GUCY2C: variants seen among roughly 807,000 people sequenced by gnomAD.
GUCY2C encodes the protein guanylyl cyclase C.
In GUCY2C, 118 loss-of-function variants were observed where a neutral mutation model predicts 131.1. The observed-to-expected ratio is 0.90, with a 90% CI of 0.78 to 1.05. The LOEUF (loss-of-function observed/expected upper bound fraction) is 1.05, where lower values mean the gene tolerates loss of function less well. Among genes scored for constraint, GUCY2C ranks in the 50% least tolerant of loss-of-function variants. GUCY2C has a pLI of 0.00. For synonymous variants in GUCY2C, 452 were observed against 457.8 expected (o/e 0.99, Z 0.16); for missense variants, 1,161 against 1,304.4 (o/e 0.89, Z 1.69).
At chr12:14,693,868 T>C (rs1012337168) in intron 1 of GUCY2C, among the ~76,000 whole-genome samples, 1 of 152,238 alleles carries the variant, frequency 6.6e-6, no homozygotes, top group Admixed American at 6.5e-5. Context: ...AAATTCAGAT[T>C]GTATGCATCA....
intron 7 of GUCY2C, 104 bp downstream of exon 7, chr12:14,676,750 T>C (rs988317886): frequency 3.2e-6 from 1 of 312,842 alleles, no homozygotes. Flanking sequence ...TAAAAATAAT[T>C]GCTCATTTTA....
intron 21 of GUCY2C, among the ~76,000 whole-genome samples, chr12:14,624,831 T>A (rs1049490072): frequency 6.6e-6 from 1 of 152,210 alleles, no homozygotes; most frequent in African/African-American, 2.4e-5. Flanking sequence ...GTGAGCCAGC[T>A]GATTCAAACC....
intron 9 of GUCY2C, among the ~76,000 whole-genome samples, chr12:14,671,668 G>A (rs6488705): frequency 0.97 from 148,268 of 152,296 alleles, 72,296 homozygotes; most frequent in Non-Finnish European, 1. Flanking sequence ...TAAATGCACA[G>A]AGCAACATTT....
chr12:14,683,123 G>T lies in GUCY2C; in HGVS notation c.530C>A (p.Thr177Asn), dbSNP rs1214072631. Residue 177 changes from threonine to asparagine, a missense_variant, in exon 4 of 27, where the codon ACC becomes AAC. Thr to Asn is a moderately conservative substitution (Grantham distance 65). Coordinates refer to ENST00000261170, the MANE Select transcript of GUCY2C (RefSeq NM_004963.4). ...LMYFLVNFWKTNDLPFKTYSW... is the reference protein window; with the variant it reads ...LMYFLVNFWKNNDLPFKTYSW... ...ATAAGTTTTGAAGGGCAGATCGTTG[G>T]TTTTCCAAAAGTTAACCAAGAAGTA... 1.2e-6 allele frequency: 2 copies of T among 1,613,626 alleles called. No homozygotes were observed. The highest frequency in any genetic ancestry group is 1.7e-5 in the Admixed American group (1 of 59,990).
chr12:14,690,788 G>A (rs975403872), intron 1 of GUCY2C, among the ~76,000 whole-genome samples: 6 of 152,056 alleles, frequency 3.9e-5, no homozygotes, highest in African/African-American at 1.4e-4. Flanking sequence ...TGATCCGCCC[G>A]CCTCGGCCTC....
chr12:14,653,728 T>C (rs1374901388), intron 12 of GUCY2C, among the ~76,000 whole-genome samples: 2 of 152,174 alleles, frequency 1.3e-5, no homozygotes, highest in Non-Finnish European at 2.9e-5. Context: ...AAACCTGAGA[T>C]GTGTTATTAT....
intron 5 of GUCY2C, among the ~76,000 whole-genome samples, chr12:14,680,622 A>C (rs1592141999): frequency 6.6e-6 from 1 of 152,316 alleles, no homozygotes; most frequent in East Asian, 1.9e-4. Context: ...TGTCAAGAGA[A>C]TTCTGTGGAA....
At chr12:14,645,408 G>T in intron 15 of GUCY2C, 93 bp from the exon 16 acceptor site, 1 of 644,280 alleles carries the variant, frequency 1.6e-6, no homozygotes, top group Non-Finnish European at 2.7e-6. Context: ...TTCAAATTAT[G>T]AAACCTTAGG....
intron 4 of GUCY2C, among the ~76,000 whole-genome samples, chr12:14,682,008 TG>T (rs948621183): frequency 6.6e-6 from 1 of 152,328 alleles, no homozygotes; most frequent in South Asian, 2.1e-4. Context: ...TCTCTAGACG[TG>T]CATCCCTGGT....
chr12:14,695,910 G>A (rs534877960), intron 1 of GUCY2C, among the ~76,000 whole-genome samples: 17 of 152,112 alleles, frequency 1.1e-4, no homozygotes, highest in African/African-American at 3.9e-4. Context: ...TCCTTCCTTG[G>A]CCTCCTAAAT....
intron 3 of GUCY2C, among the ~76,000 whole-genome samples, chr12:14,683,614 G>T (rs745755887): frequency 5.9e-5 from 9 of 152,000 alleles, no homozygotes; most frequent in Non-Finnish European, 1.3e-4. Flanking sequence ...AAGCCAAAAA[G>T]ATGCCATCTA....
chr12:14,648,864 G>A (rs1345783092), intron 15 of GUCY2C, among the ~76,000 whole-genome samples: 1 of 152,180 alleles, frequency 6.6e-6, no homozygotes, highest in Non-Finnish European at 1.5e-5. Context: ...TACAGATGAA[G>A]TCAGTTGTTA....
intron 18 of GUCY2C, 120 bp from the exon 19 acceptor site, chr12:14,640,070 CT>C (rs1249011411): frequency 1.4e-6 from 1 of 693,414 alleles, no homozygotes; most frequent in Non-Finnish European, 2.6e-6. Flanking sequence ...AGTGAGAGTG[CT>C]GCAGAGCCTA....
chr12:14,686,910 A>C (rs911925828), intron 2 of GUCY2C, among the ~76,000 whole-genome samples: 8 of 151,864 alleles, frequency 5.3e-5, no homozygotes, highest in Admixed American at 1.3e-4. Flanking sequence ...GGTTGGTGTG[A>C]TGTTATTGAT....
At chr12:14,655,616 C>A (rs1404802199) in intron 12 of GUCY2C, among the ~76,000 whole-genome samples, 1 of 152,206 alleles carries the variant, frequency 6.6e-6, no homozygotes, top group Admixed American at 6.5e-5. Context: ...ACTACACTAT[C>A]AGTTTGGCCC....
intron 10 of GUCY2C, among the ~76,000 whole-genome samples, chr12:14,664,939 C>T (rs188613108): frequency 6.6e-6 from 1 of 152,206 alleles, no homozygotes; most frequent in African/African-American, 2.4e-5. Context: ...CCTGAGGGGG[C>T]GCGGTGTCTC....
At chr12:14,636,881 G>C in intron 19 of GUCY2C, among the ~76,000 whole-genome samples, 1 of 151,980 alleles carries the variant, frequency 6.6e-6, no homozygotes, top group Non-Finnish European at 1.5e-5. Flanking sequence ...CTGAGCTCAG[G>C]AGTTCGAGAC....
intron 17 of GUCY2C, among the ~76,000 whole-genome samples, chr12:14,642,566 A>G (rs1947431409): frequency 6.6e-6 from 1 of 152,194 alleles, no homozygotes; most frequent in Non-Finnish European, 1.5e-5. Flanking sequence ...TGATTCATGC[A>G]TAGTTGATCA....
intron 1 of GUCY2C, among the ~76,000 whole-genome samples, chr12:14,693,963 A>G (rs557282863): frequency 4.6e-5 from 7 of 152,238 alleles, no homozygotes; most frequent in Non-Finnish European, 1.0e-4. Context: ...CACAGAAACA[A>G]TAAGAACAAC....
Sources: allele counts gnomAD v4.1 joint callset (sites outside exome capture counted in the v4.1 genomes callset), GRCh38; gene constraint gnomAD v4.1.1; transcripts MANE v1.5; gene names NCBI Gene and HGNC (gene_info 2026-07-23, HGNC 2026-07-21).